SGMS2: variants seen among roughly 807,000 people sequenced by gnomAD.
The protein encoded by SGMS2 is sphingomyelin synthase 2.
SGMS2 carries 21 observed loss-of-function variants against 43.8 expected under a neutral mutation model. The observed-to-expected ratio is 0.48, with a 90% CI of 0.34 to 0.69. The LOEUF (loss-of-function observed/expected upper bound fraction) is 0.69, where lower values mean the gene tolerates loss of function less well. Among genes scored for constraint, SGMS2 ranks in the 30% least tolerant of loss-of-function variants. The probability of loss-of-function intolerance (pLI) is 0.01; values close to 1 mark genes in which losing one functional copy is unlikely to be tolerated. For synonymous variants in SGMS2, 167 were observed against 160.6 expected (o/e 1.04, Z -0.30); for missense variants, 384 against 443.2 (o/e 0.87, Z 1.20).
chr4:107,878,225 C>G lies in SGMS2; in HGVS notation c.-244-17085C>G, dbSNP rs543950796. On this transcript the variant is annotated intron_variant, in intron 2 of 6. Transcript: ENST00000690982. ...CACTGTGCCCGGCCTCAGCCTTGCT[C>G]TTTCTACTAAACACCGAAAACATCT... 7.9e-5 allele frequency among the ~76,000 whole-genome samples: 12 copies of G among 152,218 alleles called. No homozygotes were observed. The East Asian group carries it at 2.3e-3, about 29-fold the overall frequency.
At chr4:107,843,982 G>T (rs1007011533) in intron 1 of SGMS2, among the ~76,000 whole-genome samples, 1 of 152,148 alleles carries the variant, frequency 6.6e-6, no homozygotes, top group African/African-American at 2.4e-5. Context: ...TATGCTTCAT[G>T]TTAACTGTAT....
At chr4:107,898,781 C>T (rs545925257) in intron 3 of SGMS2, among the ~76,000 whole-genome samples, 1 of 152,300 alleles carries the variant, frequency 6.6e-6, no homozygotes, top group East Asian at 1.9e-4. Context: ...AAGCCTGCCT[C>T]AGGCTGAGGA....
intron 1 of SGMS2, among the ~76,000 whole-genome samples, chr4:107,838,103 C>G (rs1397594812): frequency 2.0e-5 from 3 of 151,924 alleles, no homozygotes; most frequent in African/African-American, 7.3e-5. Context: ...GCAGAGAGGC[C>G]CTGAGGAATA....
chr4:107,847,333 G>T lies in SGMS2; in HGVS notation c.-326-11139G>T, dbSNP rs567602539. Among the ~76,000 whole-genome samples the T allele has an allele frequency of 1.4e-4, 21 of 152,204 alleles. No homozygotes were observed. The South Asian group carries it at 3.1e-3, about 23-fold the overall frequency. On this transcript the variant is annotated intron_variant, in intron 1 of 6. Coordinates refer to ENST00000690982, the MANE Select transcript of SGMS2 (RefSeq NM_001375905.1). ...ATCCAGTTTCAGCTTTCTACTTATG[G>T]CTAGCCAGTTTTCCCAGCACCATTT...
At chr4:107,831,746 C>T in intron 1 of SGMS2, among the ~76,000 whole-genome samples, 1 of 152,166 alleles carries the variant, frequency 6.6e-6, no homozygotes. Flanking sequence ...TTTTTCCCTC[C>T]CCGTTTCCTT....
chr4:107,859,996 G>A (rs900005134), intron 2 of SGMS2, among the ~76,000 whole-genome samples: 7 of 151,744 alleles, frequency 4.6e-5, no homozygotes, highest in African/African-American at 1.7e-4. Flanking sequence ...CACACTTGAT[G>A]TAAGGATTAC....
At chr4:107,860,599 A>G (rs1171630876) in intron 2 of SGMS2, among the ~76,000 whole-genome samples, 1 of 149,748 alleles carries the variant, frequency 6.7e-6, no homozygotes, top group African/African-American at 2.5e-5. Context: ...TCGGCGGCTC[A>G]CTGCAATCTC....
At chr4:107,874,541 A>G (rs1728774266) in intron 2 of SGMS2, among the ~76,000 whole-genome samples, 1 of 152,192 alleles carries the variant, frequency 6.6e-6, no homozygotes, top group African/African-American at 2.4e-5. Context: ...ATACTAAACC[A>G]CTAATGTTAT....
At chr4:107,885,961 A>C (rs1729717926) in intron 2 of SGMS2, among the ~76,000 whole-genome samples, 1 of 152,218 alleles carries the variant, frequency 6.6e-6, no homozygotes, top group African/African-American at 2.4e-5. Context: ...GCTGATGTGG[A>C]TAGAAGCAAA....
chr4:107,845,281 G>A (rs1211880668), intron 1 of SGMS2, among the ~76,000 whole-genome samples: 1 of 152,164 alleles, frequency 6.6e-6, no homozygotes, highest in African/African-American at 2.4e-5. Flanking sequence ...ATTTGGTACT[G>A]GAAGCAGGAA....
chr4:107,908,365 G>T, intron 5 of SGMS2, 200 bp from the exon 6 acceptor site: 1 of 528,856 alleles, frequency 1.9e-6, no homozygotes, highest in African/African-American at 1.9e-5. Context: ...TATTACGCCC[G>T]CTGCCAGGGA....
At chr4:107,827,989 A>T (rs1213302670) in intron 1 of SGMS2, among the ~76,000 whole-genome samples, 1 of 151,708 alleles carries the variant, frequency 6.6e-6, no homozygotes, top group Non-Finnish European at 1.5e-5. Context: ...CTGTCTCAAA[A>T]CAAAACAAAA....
chr4:107,854,417 A>G (rs1727310113), intron 1 of SGMS2, among the ~76,000 whole-genome samples: 1 of 152,224 alleles, frequency 6.6e-6, no homozygotes, highest in Non-Finnish European at 1.5e-5. Flanking sequence ...TGAGATGACT[A>G]TGACTAATAG....
chr4:107,829,860 C>T (rs1483727526), intron 1 of SGMS2, among the ~76,000 whole-genome samples: 1 of 152,180 alleles, frequency 6.6e-6, no homozygotes, highest in Non-Finnish European at 1.5e-5. Context: ...AGGCATGAGC[C>T]ACCCTTGTCA....
intron 2 of SGMS2, among the ~76,000 whole-genome samples, chr4:107,870,611 T>G (rs148554810): frequency 7.2e-4 from 110 of 152,328 alleles, no homozygotes; most frequent in African/African-American, 2.4e-3. Context: ...CTCTAAAGTA[T>G]AGATGCACGT....
chr4:107,841,288 G>A (rs1726482520), intron 1 of SGMS2, among the ~76,000 whole-genome samples: 1 of 152,084 alleles, frequency 6.6e-6, no homozygotes, highest in Non-Finnish European at 1.5e-5. Flanking sequence ...CAAACATGAG[G>A]CCCTTCTGGG....
At chr4:107,844,796 T>C (rs1726720266) in intron 1 of SGMS2, among the ~76,000 whole-genome samples, 1 of 152,196 alleles carries the variant, frequency 6.6e-6, no homozygotes, top group South Asian at 2.1e-4. Context: ...GAAATGACAG[T>C]CCATCTCTTC....
chr4:107,898,760 C>T (rs1054438410), intron 3 of SGMS2, among the ~76,000 whole-genome samples: 1 of 152,214 alleles, frequency 6.6e-6, no homozygotes, highest in East Asian at 1.9e-4. Context: ...GATCCTCCGT[C>T]ATCCACTGGG....
At position 107,908,620 on chromosome 4, in the gene SGMS2, C is replaced by G. The variant is rs34350155; in HGVS notation, c.783C>G (p.Ala261=). The change falls in exon 6 of 7, where the codon GCC becomes GCG. Residue 261 remains alanine, a synonymous_variant. Transcript: ENST00000690982. ...YHLICWLLSA[A]GIICILVAHE... ...TAATCTGCTGGCTGCTGAGTGCTGC[C>G]GGGATCATCTGCATTCTTGTAGCAC... 19 of 1,613,908 alleles carry G rather than the reference C, an allele frequency of 1.2e-5. No individual in the cohort carries two copies. Among genetic ancestry groups the G allele is most frequent in the Non-Finnish European group, 1.5e-5 (18 of 1,179,972 alleles).
Sources: gnomAD v4.1 joint callset for allele counts (sites outside exome capture counted in the v4.1 genomes callset) on GRCh38, gnomAD v4.1.1 for gene constraint, MANE v1.5 for transcripts, NCBI Gene and HGNC (gene_info 2026-07-23, HGNC 2026-07-21) for gene names.